Variants in ARHGAP21 observed in about 807,000 individuals in gnomAD.
ARHGAP21 encodes the protein rho GTPase-activating protein 21.
Under a neutral mutation model 164.6 loss-of-function variants are expected in ARHGAP21, and 38 were observed. The observed-to-expected ratio is 0.23, with a 90% CI of 0.18 to 0.30. The LOEUF (loss-of-function observed/expected upper bound fraction) is 0.30, where lower values mean the gene tolerates loss of function less well. Ranked by LOEUF, ARHGAP21 falls within the 10% of genes least tolerant of loss-of-function variation. The pLI is 1.00. For missense variants in ARHGAP21, 1,822 were observed against 2,370.7 expected (o/e 0.77, Z 4.81); for synonymous variants, 766 against 857.9 (o/e 0.89, Z 1.87).
At chr10:24,659,905 T>C (rs1032259678) in intron 4 of ARHGAP21, among the ~76,000 whole-genome samples, 3 of 152,222 alleles carry the variant, frequency 2.0e-5, no homozygotes, top group Non-Finnish European at 2.9e-5. Context: ...ACTCTGCACC[T>C]TAGTTTCATC....
chr10:24,606,203 T>C (rs2077018515), intron 11 of ARHGAP21, among the ~76,000 whole-genome samples: 1 of 152,116 alleles, frequency 6.6e-6, no homozygotes, highest in African/African-American at 2.4e-5. Context: ...AGTCCACAAA[T>C]ATTTCCTAAA....
Position 24,583,892 on chromosome 10 carries a change from G to A in ARHGAP21, c.*520C>T, listed in dbSNP as rs1027574171. 1.3e-5 allele frequency: 2 copies of A among 152,558 alleles called. No homozygotes were observed. The highest frequency in any genetic ancestry group is 4.8e-5 in the African/African-American group (2 of 41,442). 9.5% of individuals were successfully genotyped at this position (152,558 alleles called of 1,614,324 possible). ...AACTCAAAAACTGTATTAAAAGTTT[G>A]AATATAAAACTCAGATCCACCTGGA... On this transcript the variant is annotated 3_prime_UTR_variant, in exon 26 of 26. Coordinates refer to ENST00000396432, the MANE Select transcript of ARHGAP21 (RefSeq NM_020824.4).
rs2076341788 is a variant in ARHGAP21 at position 24,591,767 on chromosome 10, A to G, written c.4003-84T>C. Reference sequence around the variant, plus strand: ...TTGGAGGATAGTATAGAAAAAGGGTAATTTTCTTAGGGAAAGATATTACAA... The same window carrying G: ...TTGGAGGATAGTATAGAAAAAGGGTGATTTTCTTAGGGAAAGATATTACAA... On this transcript the variant is annotated intron_variant, in intron 22 of 25. Transcript: ENST00000396432. 8 of 1,597,808 alleles carry G rather than the reference A, an allele frequency of 5.0e-6. No homozygotes were observed. In the Middle Eastern group the frequency reaches 5.6e-4, roughly 111 times the overall value.
At chr10:24,709,572 T>C (rs1055070018) in intron 2 of ARHGAP21, among the ~76,000 whole-genome samples, 1 of 151,776 alleles carries the variant, frequency 6.6e-6, no homozygotes, top group Non-Finnish European at 1.5e-5. Flanking sequence ...ACCTCATCTC[T>C]ACAAAAAAAA....
rs531416519 is a variant in ARHGAP21, at chr10:24,603,285, A to G, written c.2721+1027T>C. Among the ~76,000 whole-genome samples the G allele has an allele frequency of 3.9e-5, 6 of 152,326 alleles. No homozygotes were observed. In the South Asian group the frequency reaches 6.2e-4, roughly 16 times the overall value. ...GGCAAGATGGAAGCCAGCAGAAGAA[A>G]GTGTTTCAGGAAGGGAGCCAGAAAT... On this transcript the variant is annotated intron_variant, in intron 12 of 25. Transcript: ENST00000396432.
chr10:24,722,057 T>C lies in ARHGAP21; in HGVS notation c.-158A>G, dbSNP rs1845987991. The stretch of plus-strand genomic sequence containing the variant: ...ACAACGTGCCAGGGAATAAAGGTTT[T>C]CAGGAAGCGCCTTCAAATGCCTCGC... On this transcript the variant is annotated 5_prime_UTR_variant, in exon 2 of 26. Transcript: ENST00000396432. The C allele has an allele frequency of 1.4e-6, 1 of 728,314 alleles. No homozygotes were observed. The highest frequency in any genetic ancestry group is 2.4e-6 in the Non-Finnish European group (1 of 422,984). The allele number at this position is 728,314 out of a possible 1,614,324, so 45.1% of individuals were successfully genotyped here.
In ARHGAP21 at chr10:24,585,353, T is replaced by C. The variant is rs760630338; in HGVS notation, c.4936A>G (p.Thr1646Ala). 4.3e-6 allele frequency: 7 copies of C among 1,613,538 alleles called. No homozygotes were observed. The East Asian group carries it at 1.6e-4, about 36-fold the overall frequency. ...DSESEFPVFP[T>A]ALTSERLFRG... Reference sequence around the variant, plus strand: ...AAAAGCCTCTCTGAAGTCAAGGCTGTGGGGAACACGGGAAACTCGCTCTCG... The same window carrying C: ...AAAAGCCTCTCTGAAGTCAAGGCTGCGGGGAACACGGGAAACTCGCTCTCG... Residue 1646 changes from threonine (T) to alanine (A), a missense_variant, in exon 26 of 26, where the codon ACA (threonine) becomes GCA (alanine). Thr to Ala is a moderately conservative substitution (Grantham distance 58, BLOSUM62 0). This residue lies in a region of ARHGAP21 where 333 missense variants were observed against 383.9 expected (regional missense o/e 0.87). Transcript: ENST00000396432.
intron 2 of ARHGAP21, among the ~76,000 whole-genome samples, chr10:24,703,190 TTTAA>T (rs1166875742): frequency 6.6e-6 from 1 of 152,294 alleles, no homozygotes; most frequent in African/African-American, 2.4e-5. Flanking sequence ...ATTTGAAGGA[TTTAA>T]TTAAGTAAAC....
At chr10:24,656,567 G>C in intron 4 of ARHGAP21, among the ~76,000 whole-genome samples, 1 of 95,178 alleles carries the variant, frequency 1.1e-5, no homozygotes, top group South Asian at 4.0e-4. Context: ...GAGGGAGGTG[G>C]GGGGGGTCAG....
chr10:24,645,470 G>C (rs1486843200), intron 4 of ARHGAP21, among the ~76,000 whole-genome samples: 1 of 151,908 alleles, frequency 6.6e-6, no homozygotes, highest in African/African-American at 2.4e-5. Flanking sequence ...TGTAGTCCCA[G>C]CTACTAGGGA....
chr10:24,690,518 C>T (rs1842666580), intron 2 of ARHGAP21, among the ~76,000 whole-genome samples: 1 of 151,948 alleles, frequency 6.6e-6, no homozygotes, highest in Non-Finnish European at 1.5e-5. Flanking sequence ...ATTCTAAGTG[C>T]CCCATAATAT....
At chr10:24,686,032 A>G (rs1593284540) in intron 2 of ARHGAP21, among the ~76,000 whole-genome samples, 1 of 152,240 alleles carries the variant, frequency 6.6e-6, no homozygotes, top group Non-Finnish European at 1.5e-5. Context: ...ATCTACTAAG[A>G]AACTTCAATT....
At chr10:24,612,838 G>C (rs888164969) in intron 9 of ARHGAP21, among the ~76,000 whole-genome samples, 4 of 151,134 alleles carry the variant, frequency 2.6e-5, no homozygotes, top group African/African-American at 9.8e-5. Flanking sequence ...CTGGGCAACA[G>C]AGCAAGACTC....
rs778593945 is a variant in ARHGAP21 at position 24,585,856 on chromosome 10, C to G, written c.4433G>C (p.Ser1478Thr). 1 of 1,613,972 alleles carries G rather than the reference C, an allele frequency of 6.2e-7. No individual in the cohort carries two copies. Among genetic ancestry groups the G allele is most frequent in the Non-Finnish European group, 8.5e-7 (1 of 1,179,878 alleles). ...TGTCGTGCTGGGGTCTTTCCTAGTG[C>G]TGTTTTCTTTGGCAATGATGATCTT... ...KQKIIIAKEN[S>T]TRKDPSTTKD... The change falls in exon 26 of 26, where the codon AGC (serine) becomes ACC (threonine). Residue 1478 changes from serine (S) to threonine (T), a missense_variant. Ser to Thr is a moderately conservative substitution (Grantham distance 58). Transcript: ENST00000396432.
chr10:24,659,405 T>C (rs1472473571), intron 4 of ARHGAP21, among the ~76,000 whole-genome samples: 4 of 152,180 alleles, frequency 2.6e-5, no homozygotes, highest in African/African-American at 9.7e-5. Flanking sequence ...AATCTCCGCC[T>C]CCCGGGTTCA....
In ARHGAP21 at chr10:24,590,321, T is replaced by C. The variant is rs1004176850; in HGVS notation, c.4150+904A>G. 15 of 1,535,124 alleles carry C rather than the reference T, an allele frequency of 9.8e-6. No individual in the cohort carries two copies. The African/African-American group carries it at 1.2e-4, about 13-fold the overall frequency. ...CTTATGAGAAACTTTACACCACAGATCAACTATGTTTGCATTTACAAGAAT... is the reference window on the plus strand; with the variant it reads ...CTTATGAGAAACTTTACACCACAGACCAACTATGTTTGCATTTACAAGAAT... On this transcript the variant is annotated intron_variant, in intron 24 of 25. Coordinates refer to ENST00000396432, the MANE Select transcript of ARHGAP21 (RefSeq NM_020824.4).
intron 9 of ARHGAP21, among the ~76,000 whole-genome samples, chr10:24,609,519 T>G (rs2077165299): frequency 6.6e-6 from 1 of 152,200 alleles, no homozygotes; most frequent in Non-Finnish European, 1.5e-5. Flanking sequence ...TTCTTTATAA[T>G]AAATTCCTTT....
chr10:24,659,253 C>A (rs1294788205), intron 4 of ARHGAP21, among the ~76,000 whole-genome samples: 4 of 152,212 alleles, frequency 2.6e-5, no homozygotes, highest in East Asian at 1.9e-4. Flanking sequence ...CACAGCAGCA[C>A]TATTGTCCAA....
intron 2 of ARHGAP21, among the ~76,000 whole-genome samples, chr10:24,689,991 A>T (rs1270651619): frequency 6.6e-6 from 1 of 151,280 alleles, no homozygotes; most frequent in Non-Finnish European, 1.5e-5. Context: ...CAAAAAATAC[A>T]TACTTTAGGA....
Sources: gnomAD v4.1 joint callset for allele counts (sites outside exome capture counted in the v4.1 genomes callset) on GRCh38, gnomAD v4.1.1 for gene constraint, gnomAD v4.1.1 regional missense constraint, MANE v1.5 for transcripts, NCBI Gene and HGNC (gene_info 2026-07-23, HGNC 2026-07-21) for gene names.